TUBGCP3: variants seen among roughly 807,000 people sequenced by gnomAD.
TUBGCP3 encodes tubulin gamma complex component 3, also known as gamma-tubulin complex component 3.
In TUBGCP3, 50 loss-of-function variants were observed where a neutral mutation model predicts 123.1. That is an observed-to-expected ratio of 0.41 (90% CI 0.32 to 0.51). The LOEUF is 0.51. TUBGCP3 is among the 20% of genes least tolerant of loss of function. TUBGCP3 has a pLI of 0.36. For synonymous variants in TUBGCP3, 405 were observed against 413.9 expected, an observed-to-expected ratio of 0.98 and a Z score of 0.26; for missense variants, 882 against 1,127.0, an observed-to-expected ratio of 0.78 and a Z score of 3.11.
chr13:112,533,555 T>C (rs1369087676), intron 11 of TUBGCP3, among the ~76,000 whole-genome samples: 1 of 151,988 alleles, frequency 6.6e-6, no homozygotes, highest in Non-Finnish European at 1.5e-5. Flanking sequence ...ATCTGAAATT[T>C]ATCTCTTCCT....
At chr13:112,544,415 T>C (rs1232965082) in intron 11 of TUBGCP3, 1 of 132,018 alleles carries the variant, frequency 7.6e-6, no homozygotes, top group Non-Finnish European at 1.5e-5. Context: ...ATTGAGCCAC[T>C]GCACTCCAGC....
At chr13:112,547,591 G>GTC in intron 10 of TUBGCP3, 29 bp downstream of exon 10, 1 of 1,458,200 alleles carries the variant, frequency 6.9e-7, no homozygotes. Flanking sequence ...GCGTGGGAAA[G>GTC]ACGTGCGTGG....
intron 5 of TUBGCP3, among the ~76,000 whole-genome samples, chr13:112,557,939 G>T (rs923758319): frequency 6.6e-6 from 1 of 152,226 alleles, no homozygotes; most frequent in Non-Finnish European, 1.5e-5. Context: ...AAGCTCCTTC[G>T]TGATGGGCAC....
At chr13:112,586,189 G>A (rs1376948361) in intron 1 of TUBGCP3, among the ~76,000 whole-genome samples, 4 of 150,072 alleles carry the variant, frequency 2.7e-5, no homozygotes, top group African/African-American at 7.4e-5. Context: ...GCAGTGAGCC[G>A]AGATCACACC....
At chr13:112,576,703 A>G (rs930917027) in intron 1 of TUBGCP3, among the ~76,000 whole-genome samples, 3 of 152,214 alleles carry the variant, frequency 2.0e-5, no homozygotes, top group African/African-American at 7.2e-5. Flanking sequence ...AAAATCAGAA[A>G]ATGAATTGAA....
intron 17 of TUBGCP3, among the ~76,000 whole-genome samples, chr13:112,515,347 G>A (rs541127252): frequency 2.6e-5 from 4 of 152,090 alleles, no homozygotes; most frequent in African/African-American, 4.8e-5. Flanking sequence ...ATGCTGCCTC[G>A]TGAAGGGGGC....
upstream of TUBGCP3, among the ~76,000 whole-genome samples, chr13:112,592,671 AAAGGAG>A (rs1882902490): frequency 6.6e-6 from 1 of 152,206 alleles, no homozygotes; most frequent in Non-Finnish European, 1.5e-5. The surrounding 1 kb of genome is among the most constrained non-coding windows in gnomAD (Gnocchi z 4.1). Flanking sequence ...GGCCCCCTGA[AAAGGAG>A]GCTTTGGCAG....
At chr13:112,529,120 T>A (rs1259921217) in intron 11 of TUBGCP3, among the ~76,000 whole-genome samples, 1 of 152,228 alleles carries the variant, frequency 6.6e-6, no homozygotes, top group Non-Finnish European at 1.5e-5. Flanking sequence ...CCCAAAGTGC[T>A]GGGATTACAG....
intron 11 of TUBGCP3, 36 bp from the exon 12 acceptor site, chr13:112,527,520 A>G (rs1263782038): frequency 2.1e-6 from 3 of 1,446,994 alleles, no homozygotes; most frequent in East Asian, 2.3e-5. Context: ...TTCAAGAGTG[A>G]TATTTATGGC....
rs1442974022 is a variant in TUBGCP3, at chr13:112,511,909, A to G, written c.2086+4531T>C. ...GCCCCACCAAGCTATTTCCACAGCC[A>G]GACACTGCTCTCCAATACCTACACA... On this transcript the variant is annotated intron_variant, in intron 17 of 21. Transcript: ENST00000261965. The surrounding 1 kb of genome is among the most constrained non-coding windows in gnomAD (Gnocchi z 4.1). 6.6e-6 allele frequency among the ~76,000 whole-genome samples: 1 copy of G among 152,176 alleles called. No homozygotes were observed. Among genetic ancestry groups the G allele is most frequent in the Non-Finnish European group, 1.5e-5 (1 of 68,026 alleles).
At chr13:112,486,970 T>C (rs779930772) in intron 21 of TUBGCP3, among the ~76,000 whole-genome samples, 1 of 152,162 alleles carries the variant, frequency 6.6e-6, no homozygotes, top group African/African-American at 2.4e-5. Context: ...GAAACACGAA[T>C]GCTGAAGCTC....
intron 3 of TUBGCP3, among the ~76,000 whole-genome samples, chr13:112,564,104 C>G (rs1413530310): frequency 6.6e-6 from 1 of 152,014 alleles, no homozygotes; most frequent in African/African-American, 2.4e-5. Context: ...AAATAATTTG[C>G]CTGGAAATGA....
intron 2 of TUBGCP3, among the ~76,000 whole-genome samples, chr13:112,566,815 A>G (rs1880981779): frequency 6.6e-6 from 1 of 152,240 alleles, no homozygotes; most frequent in African/African-American, 2.4e-5. Context: ...ATTAAATTTT[A>G]GCACATCTCC....
chr13:112,541,373 C>T (rs558134257), intron 11 of TUBGCP3, among the ~76,000 whole-genome samples: 1 of 152,166 alleles, frequency 6.6e-6, no homozygotes, highest in Non-Finnish European at 1.5e-5. Context: ...GAAATCCCGC[C>T]TCTACTAAAA....
chr13:112,598,176 C>G, the TUBGCP3 span, among the ~76,000 whole-genome samples: 1 of 152,004 alleles, frequency 6.6e-6, no homozygotes, highest in African/African-American at 2.4e-5. Flanking sequence ...AAGAAAACAA[C>G]TGCCAATCTA....
intron 1 of TUBGCP3, among the ~76,000 whole-genome samples, chr13:112,572,821 A>G (rs1022326071): frequency 1.3e-5 from 2 of 152,226 alleles, no homozygotes; most frequent in African/African-American, 2.4e-5. Context: ...ATTTCCAAAT[A>G]TGACACAGAG....
At chr13:112,536,707 ATCTTTAT>A (rs1878084268) in intron 11 of TUBGCP3, among the ~76,000 whole-genome samples, 1 of 152,142 alleles carries the variant, frequency 6.6e-6, no homozygotes, top group Non-Finnish European at 1.5e-5. Context: ...CCTATATATA[ATCTTTAT>A]TATAAAGTAT....
At chr13:112,576,589 T>C (rs908169232) in intron 1 of TUBGCP3, among the ~76,000 whole-genome samples, 3 of 152,100 alleles carry the variant, frequency 2.0e-5, no homozygotes, top group African/African-American at 7.2e-5. Flanking sequence ...AATCCATACA[T>C]ACATCAAAGC....
At chr13:112,553,554 T>C (rs1221999481) in intron 8 of TUBGCP3, among the ~76,000 whole-genome samples, 1 of 152,168 alleles carries the variant, frequency 6.6e-6, no homozygotes, top group Non-Finnish European at 1.5e-5. Context: ...CTCCCAACCA[T>C]GCACTGTGCC....
Sources: allele counts gnomAD v4.1 joint callset (sites outside exome capture counted in the v4.1 genomes callset), GRCh38; gene constraint gnomAD v4.1.1; non-coding constraint Gnocchi (gnomAD v3.1); transcripts MANE v1.5; gene names NCBI Gene and HGNC (gene_info 2026-07-23, HGNC 2026-07-21).